The following KLF17 variants were observed in gnomAD, a reference collection of about 807,000 sequenced individuals.
The protein encoded by KLF17 is KLF transcription factor 17, also known as Krueppel-like factor 17.
In KLF17, 31 loss-of-function variants were observed where a neutral mutation model predicts 34.2. The ratio of observed to expected loss-of-function variants is 0.91; its 90% CI spans 0.68 to 1.22. The LOEUF (loss-of-function observed/expected upper bound fraction) is 1.22. KLF17 is among the 50% of genes most tolerant of loss of function. The pLI, the probability that KLF17 is intolerant of heterozygous loss-of-function variation, is 0.00. For synonymous variants in KLF17, 179 were observed against 186.7 expected (o/e 0.96, Z 0.34); for missense variants, 478 against 505.2 (o/e 0.95, Z 0.52).
chr1:44,069,003 A>G, the KLF17 span, among the ~76,000 whole-genome samples: 3 of 151,842 alleles, frequency 2.0e-5, no homozygotes. This position sits in a 1 kb window ranked among gnomAD's most constrained non-coding sequence, Gnocchi z 4.7. Flanking sequence ...CCCCAGCCAC[A>G]TGCCTCCTCT....
chr1:44,119,073 G>T, intron 1 of KLF17, 85 bp downstream of exon 1: 1 of 978,542 alleles, frequency 1.0e-6, no homozygotes, highest in Non-Finnish European at 1.5e-6. Context: ...GAGAGGTGAG[G>T]CGGAGGGAAG....
the KLF17 span, chr1:44,104,225 G>A: frequency 1.8e-6 from 2 of 1,142,246 alleles, no homozygotes; most frequent in African/African-American, 3.0e-5. Context: ...TACGCTTATT[G>A]ATCTCATCCT....
the KLF17 span, among the ~76,000 whole-genome samples, chr1:44,098,240 T>G: frequency 7.2e-5 from 11 of 152,186 alleles, no homozygotes; most frequent in Non-Finnish European, 5.9e-5. Flanking sequence ...ATTTTCCAAT[T>G]TACTGGCATA....
At chr1:44,096,114 C>G in the KLF17 span, among the ~76,000 whole-genome samples, 99,427 of 151,534 alleles carry the variant, frequency 0.66, 32,998 homozygotes, top group South Asian at 0.76. Flanking sequence ...GCTAACATTT[C>G]TATTTTTTGT....
the KLF17 span, among the ~76,000 whole-genome samples, chr1:44,064,835 T>G: frequency 6.6e-6 from 1 of 152,228 alleles, no homozygotes; most frequent in African/African-American, 2.4e-5. Flanking sequence ...AGTAAAACGT[T>G]ATAATAATTA....
the KLF17 span, among the ~76,000 whole-genome samples, chr1:44,112,713 C>A: frequency 6.6e-6 from 1 of 152,164 alleles, no homozygotes; most frequent in Non-Finnish European, 1.5e-5. Context: ...TGGCCTTCAG[C>A]CTTCCCTTTT....
chr1:44,131,175 G>A (rs1210530916), intron 3 of KLF17, among the ~76,000 whole-genome samples: 1 of 152,118 alleles, frequency 6.6e-6, no homozygotes, highest in African/African-American at 2.4e-5. Context: ...GATGAAGACA[G>A]GAAGATTATG....
the KLF17 span, chr1:44,074,699 A>G: frequency 6.6e-6 from 1 of 152,246 alleles, no homozygotes; most frequent in South Asian, 2.1e-4. Flanking sequence ...GAAATTTTCT[A>G]AAGTATGCTT....
At chr1:44,063,118 GA>G in the KLF17 span, among the ~76,000 whole-genome samples, 14 of 151,708 alleles carry the variant, frequency 9.2e-5, no homozygotes, top group African/African-American at 2.7e-4. Flanking sequence ...TTGATTGAAA[GA>G]AAAAAAAGAG....
chr1:44,059,366 G>A, the KLF17 span, among the ~76,000 whole-genome samples: 1,025 of 152,288 alleles, frequency 6.7e-3, 13 homozygotes, highest in African/African-American at 0.024. Flanking sequence ...ACACCATGTT[G>A]TCACTATTAA....
chr1:44,130,341 C>T, intron 2 of KLF17, 145 bp downstream of exon 2: 1 of 1,419,992 alleles, frequency 7.0e-7, no homozygotes, highest in South Asian at 1.3e-5. Context: ...ACTTGCCATA[C>T]AGGAGGACTG....
At chr1:44,069,219 G>T in the KLF17 span, among the ~76,000 whole-genome samples, 52 of 152,270 alleles carry the variant, frequency 3.4e-4, 1 homozygote, top group East Asian at 8.9e-3. This position sits in a 1 kb window ranked among gnomAD's most constrained non-coding sequence, Gnocchi z 4.7. Flanking sequence ...CATGGGAGGA[G>T]GGCTTTCCTG....
At chr1:44,052,122 C>T in the KLF17 span, 87 of 152,282 alleles carry the variant, frequency 5.7e-4, no homozygotes, top group African/African-American at 1.7e-3. Flanking sequence ...CTAAAGTGAC[C>T]CAGCAGGCTT....
At chr1:44,123,779 G>C (rs943813763) in intron 1 of KLF17, among the ~76,000 whole-genome samples, 1 of 151,946 alleles carries the variant, frequency 6.6e-6, no homozygotes, top group African/African-American at 2.4e-5. Flanking sequence ...TGGTCTCTAA[G>C]TATTTTCTAA....
chr1:44,122,824 C>G (rs112245719), intron 1 of KLF17, among the ~76,000 whole-genome samples: 2,719 of 152,262 alleles, frequency 0.018, 90 homozygotes, highest in African/African-American at 0.062. Flanking sequence ...GTCTTGAACT[C>G]CTGACCTCAA....
the KLF17 span, among the ~76,000 whole-genome samples, chr1:44,092,538 A>G: frequency 6.6e-6 from 1 of 152,138 alleles, no homozygotes; most frequent in African/African-American, 2.4e-5. Flanking sequence ...AAAAATTACC[A>G]TGAAGCAGAA....
the KLF17 span, among the ~76,000 whole-genome samples, chr1:44,091,460 A>C: frequency 6.6e-6 from 1 of 151,886 alleles, no homozygotes; most frequent in African/African-American, 2.4e-5. Flanking sequence ...GTTTGAGACC[A>C]ACTTGGCCAA....
the KLF17 span, chr1:44,103,371 T>C: frequency 1.3e-6 from 1 of 754,628 alleles, no homozygotes; most frequent in South Asian, 1.4e-5. Context: ...GTTGCAGGTC[T>C]GGATCTTCTT....
the KLF17 span, among the ~76,000 whole-genome samples, chr1:44,102,330 T>C: frequency 6.6e-6 from 1 of 151,974 alleles, no homozygotes; most frequent in Non-Finnish European, 1.5e-5. Flanking sequence ...GGCGGACAGA[T>C]CACTTGCGGT....
Sources: gnomAD v4.1 joint callset for allele counts (sites outside exome capture counted in the v4.1 genomes callset) on GRCh38, gnomAD v4.1.1 for gene constraint, Gnocchi (gnomAD v3.1) non-coding constraint, MANE v1.5 for transcripts, NCBI Gene and HGNC (gene_info 2026-07-23, HGNC 2026-07-21) for gene names.